Variants in SWAP70 observed in about 807,000 individuals in gnomAD.
The protein encoded by SWAP70 is switch-associated protein 70.
Under a neutral mutation model 80.2 loss-of-function variants are expected in SWAP70, and 34 were observed. The observed-to-expected ratio is 0.42, with a 90% CI of 0.32 to 0.56. The LOEUF is 0.56. SWAP70 is among the 20% of genes least tolerant of loss of function. The pLI, the probability that SWAP70 is intolerant of heterozygous loss-of-function variation, is 0.09. For missense variants in SWAP70, 578 were observed against 690.7 expected (o/e 0.84, Z 1.83); for synonymous variants, 239 against 238.5 (o/e 1.00, Z -0.02).
chr11:9,726,973 G>T (rs1454047327), intron 4 of SWAP70: 1 of 456,272 alleles, frequency 2.2e-6, no homozygotes, highest in South Asian at 1.5e-5. Context: ...GGTACCAGAG[G>T]TGGAAGTCCT....
chr11:9,717,055 G>A (rs2133799472), intron 3 of SWAP70, among the ~76,000 whole-genome samples: 1 of 152,344 alleles, frequency 6.6e-6, no homozygotes, highest in South Asian at 2.1e-4. Context: ...AATGGTAAGT[G>A]AGAAGTTGCC....
At chr11:9,709,954 T>C (rs1044509121) in intron 2 of SWAP70, among the ~76,000 whole-genome samples, 2 of 152,244 alleles carry the variant, frequency 1.3e-5, no homozygotes, top group Non-Finnish European at 2.9e-5. Flanking sequence ...GAAAATGTTA[T>C]TAAGAAGATC....
chr11:9,736,622 T>G (rs1432873310), intron 7 of SWAP70, among the ~76,000 whole-genome samples: 1 of 152,104 alleles, frequency 6.6e-6, no homozygotes, highest in Non-Finnish European at 1.5e-5. Flanking sequence ...GGCACAGGCT[T>G]GGACAGGAAC....
chr11:9,730,885 G>A (rs1851289520), intron 6 of SWAP70, among the ~76,000 whole-genome samples: 1 of 152,176 alleles, frequency 6.6e-6, no homozygotes, highest in South Asian at 2.1e-4. Context: ...CCCAGGAAGT[G>A]AGCATTGTAC....
chr11:9,725,227 G>A (rs1361423756), intron 4 of SWAP70, among the ~76,000 whole-genome samples: 2 of 151,576 alleles, frequency 1.3e-5, no homozygotes, highest in African/African-American at 4.8e-5. Context: ...ATCCACCCAC[G>A]TCGGCCTCCC....
At chr11:9,707,878 A>C (rs534617174) in intron 2 of SWAP70, among the ~76,000 whole-genome samples, 2 of 98,000 alleles carry the variant, frequency 2.0e-5, no homozygotes, top group Non-Finnish European at 6.1e-5. Flanking sequence ...TAAAAAATTT[A>C]AAAAAAAATT....
At chr11:9,682,972 G>A (rs980103637) in intron 1 of SWAP70, among the ~76,000 whole-genome samples, 1 of 152,184 alleles carries the variant, frequency 6.6e-6, no homozygotes, top group Admixed American at 6.5e-5. Context: ...CACTGTGCCT[G>A]GTCAAAAGCA....
chr11:9,738,143 T>C, intron 7 of SWAP70, 70 bp from the exon 8 acceptor site: 2 of 1,046,480 alleles, frequency 1.9e-6, no homozygotes, highest in Non-Finnish European at 2.7e-6. Flanking sequence ...TAAGTATGAC[T>C]GTCTCTCTCT....
chr11:9,673,543 T>C (rs1006421745), intron 1 of SWAP70, among the ~76,000 whole-genome samples: 1 of 152,174 alleles, frequency 6.6e-6, no homozygotes, highest in African/African-American at 2.4e-5. Context: ...CAGACAACCA[T>C]GTAGAAATGT....
At chr11:9,675,924 G>C (rs1362585806) in intron 1 of SWAP70, among the ~76,000 whole-genome samples, 1 of 85,438 alleles carries the variant, frequency 1.2e-5, no homozygotes, top group Non-Finnish European at 2.7e-5. Flanking sequence ...ATTTGCAATT[G>C]GATTGTTAAA....
chr11:9,682,941 G>T (rs1228836382), intron 1 of SWAP70, among the ~76,000 whole-genome samples: 1 of 152,196 alleles, frequency 6.6e-6, no homozygotes, highest in Admixed American at 6.5e-5. Flanking sequence ...CTCCTAAAGT[G>T]CTGGGATTAT....
intron 1 of SWAP70, among the ~76,000 whole-genome samples, chr11:9,690,441 G>C (rs1371953156): frequency 6.6e-6 from 1 of 152,080 alleles, no homozygotes; most frequent in African/African-American, 2.4e-5. Flanking sequence ...AGCTGGGTGT[G>C]GTGGCAGGTG....
chr11:9,690,407 G>A (rs1228025130), intron 1 of SWAP70, among the ~76,000 whole-genome samples: 2 of 151,984 alleles, frequency 1.3e-5, no homozygotes, highest in Non-Finnish European at 2.9e-5. Context: ...GTGAAACTCT[G>A]TCTCTACTAA....
chr11:9,694,225 A>G lies in SWAP70; in HGVS notation c.179A>G (p.Asp60Gly). 1 of 1,613,330 alleles carries G rather than the reference A, an allele frequency of 6.2e-7. No homozygotes were observed. Residue 60 changes from aspartate to glycine, a missense_variant, in exon 2 of 12, where the codon GAT becomes GGT. Asp to Gly is a moderately conservative substitution (Grantham distance 94). Coordinates refer to ENST00000318950, the MANE Select transcript of SWAP70 (RefSeq NM_015055.4). ...VALEEHFRDD[D>G]EGPVSNQGYM... is the part of the protein sequence containing the mutation. ...CTTGAAGAGCACTTCAGGGATGATG[A>G]TGAGGGTCCAGTGTCCAACCAGGGC...
intron 1 of SWAP70, among the ~76,000 whole-genome samples, chr11:9,684,462 T>C (rs186371707): frequency 6.6e-6 from 1 of 152,176 alleles, no homozygotes; most frequent in African/African-American, 2.4e-5. Flanking sequence ...AAATTAAACT[T>C]CTAAGGAGGT....
chr11:9,716,927 G>A (rs147298164), intron 3 of SWAP70, among the ~76,000 whole-genome samples: 60 of 152,306 alleles, frequency 3.9e-4, no homozygotes, highest in South Asian at 1.0e-3. Context: ...AAGCTGAATT[G>A]AACACGCTAT....
chr11:9,669,786 G>T (rs974124066), intron 1 of SWAP70, among the ~76,000 whole-genome samples: 1 of 152,046 alleles, frequency 6.6e-6, no homozygotes, highest in Non-Finnish European at 1.5e-5. Flanking sequence ...TATGCCAGGG[G>T]CCCCCCAGGT....
At chr11:9,729,296 T>C in intron 5 of SWAP70, 47 bp from the exon 6 acceptor site, 1 of 1,158,042 alleles carries the variant, frequency 8.6e-7, no homozygotes, top group Non-Finnish European at 1.3e-6. Flanking sequence ...TTGAATTTCA[T>C]TTAAATACTT....
chr11:9,737,673 G>A (rs989162082), intron 7 of SWAP70, among the ~76,000 whole-genome samples: 4 of 152,262 alleles, frequency 2.6e-5, no homozygotes, highest in East Asian at 1.9e-4. Flanking sequence ...TGAGGTGGGC[G>A]GATCACGAGG....
Sources: allele counts gnomAD v4.1 joint callset (sites outside exome capture counted in the v4.1 genomes callset), GRCh38; gene constraint gnomAD v4.1.1; transcripts MANE v1.5; gene names NCBI Gene and HGNC (gene_info 2026-07-23, HGNC 2026-07-21).